IFI6: variants seen among roughly 807,000 people sequenced by gnomAD.
IFI6 encodes the protein interferon alpha-inducible protein 6.
A neutral mutation model predicts 12.7 loss-of-function variants in IFI6; 10 were observed. The ratio of observed to expected loss-of-function variants is 0.79; its 90% CI spans 0.49 to 1.33. The LOEUF is 1.33. IFI6 is among the 40% of genes most tolerant of loss of function. The pLI, the probability that IFI6 is intolerant of heterozygous loss-of-function variation, is 0.00. For synonymous variants in IFI6, 89 were observed against 86.2 expected (o/e 1.03, Z -0.18); for missense variants, 154 against 180.4 (o/e 0.85, Z 0.84).
intron 1 of IFI6, among the ~76,000 whole-genome samples, chr1:27,671,247 A>G (rs2090401784): frequency 6.6e-6 from 1 of 152,206 alleles, no homozygotes; most frequent in African/African-American, 2.4e-5. Flanking sequence ...AGTAGGTACC[A>G]TTGTTATCAA....
rs2090353393 is a variant in IFI6, at chr1:27,666,550, GT to G, written c.299-76del. On this transcript the variant is annotated intron_variant, in intron 4 of 4. Coordinates refer to ENST00000361157, the MANE Select transcript of IFI6 (RefSeq NM_002038.4). ...GAATCCAAATGTCTGGAAACCATTG[GT>G]TGAGTCCAACCCCTTATGTCTAGAT... 34 of 1,055,026 alleles carry G rather than the reference GT, an allele frequency of 3.2e-5. 1 individual carries two copies. In the South Asian group the frequency reaches 4.2e-4, roughly 13 times the overall value. 65.4% of individuals were successfully genotyped at this position (1,055,026 alleles called of 1,614,324 possible). A position where few individuals can be genotyped will look rare whatever the true frequency, so the allele number is the denominator to read the frequency against.
At chr1:27,669,391 G>T in intron 1 of IFI6, 45 bp from the exon 2 acceptor site, 1 of 1,184,130 alleles carries the variant, frequency 8.4e-7, no homozygotes, top group African/African-American at 1.5e-5. Context: ...CATTTTTGGA[G>T]CTCATCAGCT....
chr1:27,666,487 A>G lies in IFI6; in HGVS notation c.299-12T>C. 1 of 1,604,792 alleles carries G rather than the reference A, an allele frequency of 6.2e-7. No individual in the cohort carries two copies. Among genetic ancestry groups the G allele is most frequent in the Non-Finnish European group, 8.5e-7 (1 of 1,172,604 alleles). On this transcript the variant is annotated splice_polypyrimidine_tract_variant and intron_variant, in intron 4 of 4. Coordinates refer to ENST00000361157, the MANE Select transcript of IFI6 (RefSeq NM_002038.4). ...GCTGCCACCAGCCCCTGTAAAGCAA[A>G]CACAGATGAGTCACTGGGGCCCAAG...
At chr1:27,668,163 C>T in intron 4 of IFI6, 63 bp downstream of exon 4, 2 of 1,371,994 alleles carry the variant, frequency 1.5e-6, no homozygotes, top group Non-Finnish European at 1.9e-6. Context: ...CTCAGTTTCC[C>T]CAGATGTATG....
chr1:27,669,411 T>C, intron 1 of IFI6, 65 bp from the exon 2 acceptor site: 1 of 962,364 alleles, frequency 1.0e-6, no homozygotes, highest in Non-Finnish European at 1.6e-6. Context: ...TCCGTTGTTT[T>C]CCCTTCCAGT....
At chr1:27,668,599 G>A in intron 2 of IFI6, 64 bp from the exon 3 acceptor site, 1 of 1,334,076 alleles carries the variant, frequency 7.5e-7, no homozygotes, top group Non-Finnish European at 1.0e-6. Context: ...CCCCTACTCT[G>A]TGTCTGATGC....
At chr1:27,669,990 G>T (rs560756474) in intron 1 of IFI6, 71 of 152,354 alleles carry the variant, frequency 4.7e-4, no homozygotes, top group African/African-American at 1.7e-3. Flanking sequence ...AAGTGTGGGG[G>T]TTTCTCCCCA....
Position 27,668,397 on chromosome 1 carries a change from A to G in IFI6, c.149-22T>C. The stretch of plus-strand genomic sequence containing the variant: ...AGTCCTGGAGGAACAGGAGCAGGTG[A>G]GGGAGCGTCCGCGGCAGAGGCCCGC... On this transcript the variant is annotated intron_variant, in intron 3 of 4. Coordinates refer to ENST00000361157, the MANE Select transcript of IFI6 (RefSeq NM_002038.4). 3.2e-6 allele frequency: 5 copies of G among 1,576,962 alleles called. No individual in the cohort carries two copies. In the South Asian group the frequency reaches 5.8e-5, roughly 18 times the overall value.
In IFI6 at chr1:27,668,520, G is replaced by A. The variant is rs1307825103; in HGVS notation, c.86C>T (p.Ser29Leu). The A allele has an allele frequency of 1.2e-6, 2 of 1,604,574 alleles. No individual in the cohort carries two copies. The highest frequency in any genetic ancestry group is 1.7e-5 in the Admixed American group (1 of 59,462). Residue 29 changes from serine (S) to leucine (L), a missense_variant, in exon 3 of 5, where the codon TCG becomes TTG. By Grantham distance (145) the Ser-to-Leu change is moderately radical. Coordinates refer to ENST00000361157, the MANE Select transcript of IFI6 (RefSeq NM_002038.4). ...SGVEAGKKKC[S>L]ESSDSGSGFW... ...CCCGGAGCCGCTGTCCGAGCTCTCCGAGCACTTTTTCTTACCTGCAGGAGA... is the reference window on the plus strand; with the variant it reads ...CCCGGAGCCGCTGTCCGAGCTCTCCAAGCACTTTTTCTTACCTGCAGGAGA...
Position 27,668,766 on chromosome 1 carries a change from C to T in IFI6, c.71-231G>A, listed in dbSNP as rs371183189. 2.0e-5 allele frequency among the ~76,000 whole-genome samples: 3 copies of T among 152,194 alleles called. No individual in the cohort carries two copies. In the East Asian group the frequency reaches 5.8e-4, roughly 29 times the overall value. ...ATGAACAGAGTAGTGGGATTTGAAT[C>T]TGGGACTCTGGCGACACCAACCCTG... On this transcript the variant is annotated intron_variant, in intron 2 of 4. Coordinates refer to ENST00000361157, the MANE Select transcript of IFI6 (RefSeq NM_002038.4).
intron 4 of IFI6, 43 bp downstream of exon 4, chr1:27,668,183 A>C (rs759547291): frequency 1.4e-6 from 2 of 1,430,116 alleles, no homozygotes; most frequent in South Asian, 1.5e-5. Flanking sequence ...GATGAAAATA[A>C]TAGTAAAGAA....
Position 27,668,525 on chromosome 1 carries a change from CT to C in IFI6, c.80del (p.Lys27SerfsTer16). ...TCSGVEAGKK[K>X]CSESSDSGSG... ...AGCCGCTGTCCGAGCTCTCCGAGCA[CT>C]TTTTCTTACCTGCAGGAGAGCAGAC... is the stretch of plus-strand genomic sequence containing the variant. On this transcript the variant is annotated frameshift_variant, in exon 3 of 5. Coordinates refer to ENST00000361157, the MANE Select transcript of IFI6 (RefSeq NM_002038.4). LOFTEE classifies it high-confidence loss of function. 6.2e-7 allele frequency: 1 copy of C among 1,602,576 alleles called. No homozygotes were observed. Among genetic ancestry groups the C allele is most frequent in the Non-Finnish European group, 8.5e-7 (1 of 1,174,244 alleles).
rs911509726 is a variant in IFI6 at position 27,669,361 on chromosome 1, G to C, written c.-32-15C>G. On this transcript the variant is annotated splice_polypyrimidine_tract_variant and intron_variant, in intron 1 of 4. Transcript: ENST00000361157. ...CGTCACTAGACCTGCGAACGGGCGA[G>C]AGGGAGATGGTCCCCGGAGCATTTT... 4 of 1,490,896 alleles carry C rather than the reference G, an allele frequency of 2.7e-6. No individual in the cohort carries two copies. The highest frequency in any genetic ancestry group is 3.7e-6 in the Non-Finnish European group (4 of 1,092,424). The allele number at this position is 1,490,896 out of a possible 1,614,324, so 92.4% of individuals were successfully genotyped here.
At position 27,666,265 on chromosome 1, in the gene IFI6, G is replaced by T. The variant is rs2090349805; in HGVS notation, c.*116C>A. 2 of 595,908 alleles carry T rather than the reference G, an allele frequency of 3.4e-6. No homozygotes were observed. The highest frequency in any genetic ancestry group is 4.3e-5 in the South Asian group (2 of 47,002). 36.9% of individuals were successfully genotyped at this position (595,908 alleles called of 1,614,324 possible). On this transcript the variant is annotated 3_prime_UTR_variant, in exon 5 of 5. Coordinates refer to ENST00000361157, the MANE Select transcript of IFI6 (RefSeq NM_002038.4). ...GTGAATAGCCACTGCACTCTAGCCT[G>T]GACAATATAGTGAGAACCCATCTCA...
At position 27,668,352 on chromosome 1, in the gene IFI6, C is replaced by T. The variant is rs1365050021; in HGVS notation, c.172G>A (p.Ala58Thr). The change falls in exon 4 of 5, where the codon GCG (alanine) becomes ACG (threonine). Residue 58 changes from alanine (A) to threonine (T), a missense_variant. Ala to Thr is a moderately conservative substitution (Grantham distance 58). Coordinates refer to ENST00000361157, the MANE Select transcript of IFI6 (RefSeq NM_002038.4). ...ATGCCGGCGCCGGTGAAGCCCAGCG[C>T]GGGCAGCCCGGCGACTGCGAGTCCT... Reference protein sequence around the residue: ...GGGLAVAGLPALGFTGAGIAA... With the variant: ...GGGLAVAGLPTLGFTGAGIAA... 6.4e-7 allele frequency: 1 copy of T among 1,568,028 alleles called. No individual in the cohort carries two copies.
At chr1:27,669,154 T>C (rs1181661096) in intron 2 of IFI6, 91 bp downstream of exon 2, 25 of 1,389,306 alleles carry the variant, frequency 1.8e-5, no homozygotes, top group Middle Eastern at 1.8e-4. Flanking sequence ...TTTACCTGCA[T>C]CCTTACCCGC....
rs920308684 is a variant in IFI6, at chr1:27,669,281, A to G, written c.34T>C (p.Tyr12His). ...CCACTGCAAGTGAAGAGCAGCAGGTAGCACAAGAAAAGCGATACCGCCTTC... is the reference window on the plus strand; with the variant it reads ...CCACTGCAAGTGAAGAGCAGCAGGTGGCACAAGAAAAGCGATACCGCCTTC... ...RQKAVSLFLC[Y>H]LLLFTCSGVE... Residue 12 changes from tyrosine to histidine, a missense_variant, in exon 2 of 5, where the codon TAC becomes CAC. Tyr to His is a moderately conservative substitution (Grantham distance 83, BLOSUM62 2). Coordinates refer to ENST00000361157, the MANE Select transcript of IFI6 (RefSeq NM_002038.4). 3 of 1,552,240 alleles carry G rather than the reference A, an allele frequency of 1.9e-6. No individual in the cohort carries two copies. The highest frequency in any genetic ancestry group is 2.6e-6 in the Non-Finnish European group (3 of 1,147,254).
intron 1 of IFI6, 23 bp from the exon 2 acceptor site, chr1:27,669,369 T>C: frequency 4.3e-6 from 6 of 1,381,372 alleles, no homozygotes; most frequent in Non-Finnish European, 6.0e-6. Context: ...GAGAGGGAGA[T>C]GGTCCCCGGA....
intron 2 of IFI6, 92 bp from the exon 3 acceptor site, chr1:27,668,627 G>T: frequency 1.0e-6 from 1 of 999,362 alleles, no homozygotes; most frequent in Non-Finnish European, 1.5e-6. Context: ...CACTCCTGGA[G>T]GCGGGGGCCA....
Sources: allele counts gnomAD v4.1 joint callset (sites outside exome capture counted in the v4.1 genomes callset), GRCh38; gene constraint gnomAD v4.1.1; transcripts MANE v1.5; gene names NCBI Gene and HGNC (gene_info 2026-07-23, HGNC 2026-07-21).